The following NEGR1 variants were observed in gnomAD, a reference collection of about 807,000 sequenced individuals.
The protein encoded by NEGR1 is IgLON family member 4.
NEGR1 carries 10 observed loss-of-function variants against 40.9 expected under a neutral mutation model. The ratio of observed to expected loss-of-function variants is 0.24; its 90% CI spans 0.15 to 0.42. NEGR1 has a LOEUF of 0.42. Among genes scored for constraint, NEGR1 ranks in the 10% least tolerant of loss-of-function variants. The pLI is 1.00. For synonymous variants in NEGR1, 185 were observed against 166.8 expected (o/e 1.11, Z -0.84); for missense variants, 352 against 438.9 (o/e 0.80, Z 1.77).
intron 4 of NEGR1, among the ~76,000 whole-genome samples, chr1:71,661,260 C>T (rs1328819206): frequency 1.3e-5 from 2 of 151,890 alleles, no homozygotes; most frequent in Non-Finnish European, 2.9e-5. Flanking sequence ...GTTCTAAATC[C>T]CTGAGGAATC....
At chr1:71,942,978 GTATATATGTGTA>G (rs1645981664) in intron 1 of NEGR1, among the ~76,000 whole-genome samples, 1 of 116,454 alleles carries the variant, frequency 8.6e-6, no homozygotes, top group South Asian at 2.4e-4. Context: ...ATATATATAA[GTATATATGTGTA>G]TATATATGTG....
chr1:71,571,966 T>C (rs1038588868), intron 6 of NEGR1, among the ~76,000 whole-genome samples: 2 of 152,142 alleles, frequency 1.3e-5, no homozygotes, highest in Non-Finnish European at 2.9e-5. Context: ...AGACTGAAAC[T>C]GGGCAGGGCT....
rs1570426292 is a variant in NEGR1, at chr1:71,846,923, T to C, written c.410-70626A>G. 3.3e-5 allele frequency among the ~76,000 whole-genome samples: 5 copies of C among 152,328 alleles called. 1 individual carries two copies. Among genetic ancestry groups the C allele is most frequent in the Admixed American group, 3.3e-4 (5 of 15,292 alleles). ...ATACTGTTACATTTGGTATTAGGTT[T>C]CAACTCATGAATTTGCTAGGGACAC... is the stretch of plus-strand genomic sequence containing the variant. On this transcript the variant is annotated intron_variant, in intron 2 of 6. Coordinates refer to ENST00000357731, the MANE Select transcript of NEGR1 (RefSeq NM_173808.3).
chr1:71,410,132 A>T (rs1476953895), intron 6 of NEGR1, among the ~76,000 whole-genome samples: 1 of 152,114 alleles, frequency 6.6e-6, no homozygotes, highest in Non-Finnish European at 1.5e-5. Flanking sequence ...CTTTTCACTG[A>T]TGCCACAAAT....
intron 2 of NEGR1, among the ~76,000 whole-genome samples, chr1:71,887,798 C>A (rs542077288): frequency 1.3e-5 from 2 of 152,066 alleles, no homozygotes; most frequent in Non-Finnish European, 2.9e-5. Context: ...TCCATACTTT[C>A]TCTTTGTTAT....
At chr1:72,282,153 G>T (rs552034962) in intron 1 of NEGR1, among the ~76,000 whole-genome samples, 166 bp downstream of exon 1, 30 of 152,260 alleles carry the variant, frequency 2.0e-4, no homozygotes, top group Admixed American at 3.3e-4. Context: ...AGCATAAACG[G>T]GCCGGGGCTC....
chr1:72,227,689 G>A (rs1309029298), intron 1 of NEGR1, among the ~76,000 whole-genome samples: 1 of 152,000 alleles, frequency 6.6e-6, no homozygotes, highest in Non-Finnish European at 1.5e-5. Flanking sequence ...GAAAACCAAC[G>A]AAAAGACACT....
intron 1 of NEGR1, among the ~76,000 whole-genome samples, chr1:71,948,431 G>A (rs560055768): frequency 1.3e-5 from 2 of 151,110 alleles, no homozygotes; most frequent in Non-Finnish European, 2.9e-5. Flanking sequence ...TCAACTCTTT[G>A]TTATTGTTAA....
At chr1:71,724,654 T>C (rs1654615521) in intron 3 of NEGR1, among the ~76,000 whole-genome samples, 1 of 152,148 alleles carries the variant, frequency 6.6e-6, no homozygotes, top group Non-Finnish European at 1.5e-5. Context: ...TTGAATCTTG[T>C]TTTTAAGACT....
intron 6 of NEGR1, among the ~76,000 whole-genome samples, chr1:71,564,628 G>A (rs74521446): frequency 5.3e-5 from 8 of 151,966 alleles, no homozygotes; most frequent in Non-Finnish European, 7.4e-5. Flanking sequence ...AAATTTAATC[G>A]CAATTTTTGT....
chr1:71,903,909 G>A (rs1323666875), intron 2 of NEGR1, among the ~76,000 whole-genome samples: 1 of 151,666 alleles, frequency 6.6e-6, no homozygotes, highest in Non-Finnish European at 1.5e-5. Flanking sequence ...TGACTTTAAC[G>A]TTAGTGTGCA....
chr1:71,838,368 A>T (rs950727196), intron 2 of NEGR1, among the ~76,000 whole-genome samples: 24 of 152,094 alleles, frequency 1.6e-4, no homozygotes, highest in Non-Finnish European at 2.9e-4. Context: ...CTCTTTTGGG[A>T]ATTAATTATC....
intron 4 of NEGR1, among the ~76,000 whole-genome samples, chr1:71,692,193 A>T (rs953133662): frequency 6.6e-6 from 1 of 151,822 alleles, no homozygotes; most frequent in Non-Finnish European, 1.5e-5. Context: ...ACCAAAGTGT[A>T]TCATCATTGG....
chr1:71,941,874 C>A (rs552450809), intron 1 of NEGR1, among the ~76,000 whole-genome samples: 1 of 151,920 alleles, frequency 6.6e-6, no homozygotes, highest in East Asian at 1.9e-4. Context: ...ACCCATTTTA[C>A]AATGAAGACA....
chr1:72,093,740 G>A (rs1272791584), intron 1 of NEGR1, among the ~76,000 whole-genome samples: 1 of 152,056 alleles, frequency 6.6e-6, no homozygotes, highest in Non-Finnish European at 1.5e-5. Context: ...ACTTCAGCTT[G>A]ATTAGATGGG....
At chr1:71,827,949 C>T (rs182071161) in intron 2 of NEGR1, among the ~76,000 whole-genome samples, 264 of 151,890 alleles carry the variant, frequency 1.7e-3, no homozygotes, top group Admixed American at 3.1e-3. Context: ...TAAGTAAATA[C>T]GTATTTCATT....
At chr1:72,070,658 T>A (rs2200484) in intron 1 of NEGR1, among the ~76,000 whole-genome samples, 58,171 of 151,802 alleles carry the variant, frequency 0.38, 12,119 homozygotes, top group East Asian at 0.6. Context: ...TAACGCCATG[T>A]ATGTGAACAT....
intron 1 of NEGR1, among the ~76,000 whole-genome samples, chr1:72,119,992 A>C (rs1028175596): frequency 5.3e-5 from 8 of 152,002 alleles, no homozygotes; most frequent in Non-Finnish European, 1.0e-4. Context: ...TAATTACGAA[A>C]AATGACTCAA....
chr1:71,853,782 C>T (rs1659682437), intron 2 of NEGR1, among the ~76,000 whole-genome samples: 1 of 152,074 alleles, frequency 6.6e-6, no homozygotes, highest in African/African-American at 2.4e-5. Context: ...CATTTATTTA[C>T]AAAATTTTCA....
Sources: gnomAD v4.1 joint callset for allele counts (sites outside exome capture counted in the v4.1 genomes callset) on GRCh38, gnomAD v4.1.1 for gene constraint, MANE v1.5 for transcripts, NCBI Gene and HGNC (gene_info 2026-07-23, HGNC 2026-07-21) for gene names.